DNAH6: variants seen among roughly 807,000 people sequenced by gnomAD.
DNAH6 encodes axonemal beta dynein heavy chain 6.
A neutral mutation model predicts 491.4 loss-of-function variants in DNAH6; 340 were observed. The observed-to-expected ratio is 0.69, with a 90% CI of 0.63 to 0.76. DNAH6 has a LOEUF of 0.76. Ranked by LOEUF, DNAH6 falls within the 30% of genes least tolerant of loss-of-function variation. The pLI, the probability that DNAH6 is intolerant of heterozygous loss-of-function variation, is 0.00. For missense variants in DNAH6, 4,443 were observed against 4,972.2 expected, an observed-to-expected ratio of 0.89 and a Z score of 3.20; for synonymous variants, 1,603 against 1,686.1, an observed-to-expected ratio of 0.95 and a Z score of 1.21.
rs191530756 is a variant in DNAH6, at chr2:84,690,606, T to C, written c.7292+2013T>C. On this transcript the variant is annotated intron_variant, in intron 45 of 76. Transcript: ENST00000389394. ...ATTACCAGGCCCCTCAAGGTTTGCT[T>C]AAAATATTATGGACGGAAATTAAAA... 3.7e-3 allele frequency among the ~76,000 whole-genome samples: 567 copies of C among 152,342 alleles called. 1 individual carries two copies. The highest frequency in any genetic ancestry group is 0.012 in the African/African-American group (516 of 41,576).
rs1216356918 is a variant in DNAH6 at position 84,564,279 on chromosome 2, C to T, written c.1803+6344C>T. ...GGAATTGCATTGAATCTGTAAATTG[C>T]TTTGGGCATTATGGCCATTTTAACA... On this transcript the variant is annotated intron_variant, in intron 11 of 76. Coordinates refer to ENST00000389394, the MANE Select transcript of DNAH6 (RefSeq NM_001370.2). Among the ~76,000 whole-genome samples the T allele has an allele frequency of 3.9e-5, 6 of 152,086 alleles. No individual in the cohort carries two copies. In the East Asian group the frequency reaches 1.2e-3, roughly 29 times the overall value.
At chr2:84,604,600 GT>G in intron 19 of DNAH6, 49 bp downstream of exon 19, 1 of 1,391,016 alleles carries the variant, frequency 7.2e-7, no homozygotes, top group Non-Finnish European at 9.8e-7. Context: ...GAATGTGAAA[GT>G]TTTCAGATTC....
At chr2:84,667,372 A>C (rs1308017612) in intron 37 of DNAH6, among the ~76,000 whole-genome samples, 1 of 152,230 alleles carries the variant, frequency 6.6e-6, no homozygotes, top group Non-Finnish European at 1.5e-5. Context: ...TAATATCCAG[A>C]ATCTATAAAA....
intron 61 of DNAH6, among the ~76,000 whole-genome samples, chr2:84,731,346 A>T (rs569686257): frequency 5.3e-5 from 8 of 152,338 alleles, no homozygotes; most frequent in African/African-American, 1.9e-4. Flanking sequence ...TGTAGCCAAA[A>T]GGTGGGGCTG....
chr2:84,657,036 T>C (rs1246711677), intron 35 of DNAH6, among the ~76,000 whole-genome samples: 1 of 152,044 alleles, frequency 6.6e-6, no homozygotes, highest in African/African-American at 2.4e-5. Flanking sequence ...TCTAGATTTG[T>C]TTTTTTGCAT....
intron 37 of DNAH6, among the ~76,000 whole-genome samples, chr2:84,664,624 C>T (rs1350746757): frequency 6.6e-6 from 1 of 152,106 alleles, no homozygotes; most frequent in African/African-American, 2.4e-5. Flanking sequence ...TACAAAGAGA[C>T]TTAGACTCCC....
intron 62 of DNAH6, among the ~76,000 whole-genome samples, chr2:84,743,803 C>G (rs1672726898): frequency 6.6e-6 from 1 of 152,188 alleles, no homozygotes; most frequent in Non-Finnish European, 1.5e-5. Flanking sequence ...GCCTGGGCAA[C>G]AGAGCAAGAA....
intron 70 of DNAH6, among the ~76,000 whole-genome samples, chr2:84,800,337 C>T (rs1678771986): frequency 6.6e-6 from 1 of 152,260 alleles, no homozygotes; most frequent in South Asian, 2.1e-4. Context: ...AGAACTTCAG[C>T]AATACAAAAA....
intron 45 of DNAH6, 52 bp from the exon 46 acceptor site, chr2:84,694,197 C>T: frequency 1.3e-6 from 2 of 1,483,088 alleles, no homozygotes; most frequent in Non-Finnish European, 9.2e-7. Context: ...GCTCTCTGAG[C>T]AGGAGCCATG....
In DNAH6 at chr2:84,531,361, T is replaced by A. The variant is rs1301367966; in HGVS notation, c.662+2195T>A. Among the ~76,000 whole-genome samples the A allele has an allele frequency of 2.7e-3, 4 of 1,456 alleles. 2 individuals carry two copies. Among genetic ancestry groups the A allele is most frequent in the African/African-American group, 3.7e-3 (4 of 1,094 alleles). 1.0% of individuals were successfully genotyped at this position (1,456 alleles called of 152,430 possible). On this transcript the variant is annotated intron_variant, in intron 4 of 76. Coordinates refer to ENST00000389394, the MANE Select transcript of DNAH6 (RefSeq NM_001370.2). Reference sequence around the variant, plus strand: ...TATTTTTTATTTTTTTTTATTTTTTTTTTTTTTGAGACGGAGTCTCGCTCT... The same window carrying A: ...TATTTTTTATTTTTTTTTATTTTTTATTTTTTTGAGACGGAGTCTCGCTCT...
At position 84,805,761 on chromosome 2, in the gene DNAH6, G is replaced by C. The variant is rs1679360061; in HGVS notation, c.11578G>C (p.Glu3860Gln). 6.4e-7 allele frequency: 1 copy of C among 1,551,392 alleles called. No individual in the cohort carries two copies. The highest frequency in any genetic ancestry group is 1.4e-5 in the African/African-American group (1 of 73,040). ...AAAAAGCAATGACGAAATTGTTCAA[G>C]AACTTGTTGCTTCTGTCCAGACCAG... ...EGKSNDEIVQELVASVQTRVP... is the reference protein window; with the variant it reads ...EGKSNDEIVQQLVASVQTRVP... Residue 3860 changes from glutamate (E) to glutamine (Q), a missense_variant, in exon 71 of 77, where the codon GAA (glutamate) becomes CAA (glutamine). Physicochemically the swap from Glu to Gln is conservative, Grantham distance 29. Transcript: ENST00000389394.
chr2:84,537,491 C>T (rs1290003494), intron 4 of DNAH6, among the ~76,000 whole-genome samples: 1 of 151,926 alleles, frequency 6.6e-6, no homozygotes, highest in Non-Finnish European at 1.5e-5. Context: ...AAGATAGCTC[C>T]CAGGTGGCTA....
At position 84,577,291 on chromosome 2, in the gene DNAH6, T is replaced by C. The variant is rs770926708; in HGVS notation, c.1959T>C (p.Tyr653=). 107 of 1,592,516 alleles carry C rather than the reference T, an allele frequency of 6.7e-5. No homozygotes were observed. In the South Asian group the frequency reaches 6.8e-4, roughly 10 times the overall value. ...INFFSEQLEK[Y]HKQHKDAVAL... The stretch of plus-strand genomic sequence containing the variant: ...TTTTTAGTGAACAACTGGAAAAATA[T>C]CACAAACAGCACAAGGACGCAGTAG... Residue 653 remains tyrosine, a synonymous_variant, in exon 13 of 77, where the codon TAT becomes TAC. Transcript: ENST00000389394.
chr2:84,574,700 A>C (rs1682253888), intron 12 of DNAH6, among the ~76,000 whole-genome samples: 1 of 152,212 alleles, frequency 6.6e-6, no homozygotes, highest in Non-Finnish European at 1.5e-5. Context: ...GCATACCGAC[A>C]GGGACGTGAG....
intron 16 of DNAH6, among the ~76,000 whole-genome samples, chr2:84,591,921 C>G (rs1684157347): frequency 6.6e-6 from 1 of 152,126 alleles, no homozygotes; most frequent in Admixed American, 6.5e-5. Flanking sequence ...GAAGCTGAAC[C>G]CTTACACAAA....
chr2:84,669,684 G>A (rs1475940393), intron 38 of DNAH6, among the ~76,000 whole-genome samples, 174 bp downstream of exon 38: 1 of 152,216 alleles, frequency 6.6e-6, no homozygotes, highest in African/African-American at 2.4e-5. Context: ...TTGTTCCAAA[G>A]TTTGCCAGTT....
intron 29 of DNAH6, among the ~76,000 whole-genome samples, chr2:84,632,932 T>C (rs1486145517): frequency 1.3e-5 from 2 of 152,212 alleles, no homozygotes; most frequent in African/African-American, 4.8e-5. Context: ...TCTTTCTCTT[T>C]CTTGAATCTT....
chr2:84,642,104 A>G (rs1689471254), intron 33 of DNAH6, 50 bp downstream of exon 33: 1 of 1,174,798 alleles, frequency 8.5e-7, no homozygotes, highest in African/African-American at 1.5e-5. Context: ...CGTAGAGGCA[A>G]ATGGTAGTCT....
chr2:84,801,463 C>A (rs1485971278), intron 70 of DNAH6, among the ~76,000 whole-genome samples: 3 of 152,010 alleles, frequency 2.0e-5, no homozygotes, highest in African/African-American at 7.2e-5. Flanking sequence ...AAGAAAAAAT[C>A]TTAAGGCATT....
Sources: gnomAD v4.1 joint callset for allele counts (sites outside exome capture counted in the v4.1 genomes callset) on GRCh38, gnomAD v4.1.1 for gene constraint, MANE v1.5 for transcripts, NCBI Gene and HGNC (gene_info 2026-07-23, HGNC 2026-07-21) for gene names.